Variants in COL6A3 observed in about 807,000 individuals in gnomAD.
COL6A3 encodes collagen type VI alpha 3 chain.
Under a neutral mutation model 274.1 loss-of-function variants are expected in COL6A3, and 137 were observed. That is an observed-to-expected ratio of 0.50 (90% CI 0.44 to 0.58). The LOEUF (loss-of-function observed/expected upper bound fraction) is 0.58, where lower values mean the gene tolerates loss of function less well. Among genes scored for constraint, COL6A3 ranks in the 20% least tolerant of loss-of-function variants. COL6A3 has a pLI of 0.00. For missense variants in COL6A3, 3,950 were observed against 4,124.9 expected (o/e 0.96, Z 1.16); for synonymous variants, 1,650 against 1,650.6 (o/e 1.00, Z 0.01).
intron 3 of COL6A3, among the ~76,000 whole-genome samples, chr2:237,392,909 G>A (rs560448125): frequency 5.0e-4 from 76 of 152,142 alleles, no homozygotes; most frequent in African/African-American, 1.6e-3. Context: ...CTCCAGCCCC[G>A]CGATTGGCCC....
In COL6A3 at chr2:237,335,916, G is replaced by C. The variant is rs10929226; in HGVS notation, c.8965+219C>G. Among the ~76,000 whole-genome samples, 20,677 of 152,228 alleles carry C rather than the reference G, an allele frequency of 0.14. 1,589 individuals are homozygous for C. The highest frequency in any genetic ancestry group is 0.21 in the African/African-American group (8,706 of 41,518). On this transcript the variant is annotated intron_variant, in intron 40 of 43. Transcript: ENST00000295550. ...CCCACTGACATTCCAGAGAGAATGAGAGCTTCCCATCCCTATCGCAAGACA... is the reference window on the plus strand; with the variant it reads ...CCCACTGACATTCCAGAGAGAATGACAGCTTCCCATCCCTATCGCAAGACA...
At position 237,341,084 on chromosome 2, in the gene COL6A3, G is replaced by A. The variant is rs114806654; in HGVS notation, c.7832C>T (p.Ala2611Val). The change falls in exon 38 of 44, where the codon GCG (alanine) becomes GTG (valine). Residue 2611 changes from alanine (A) to valine (V), a missense_variant. Around this residue, in one of 5 missense-constraint regions of COL6A3, gnomAD observed 1,284 missense variants for 1,349.7 expected, o/e 0.95. Transcript: ENST00000295550. ...GTCGATGTCCACATCGCTCCCTGCC[G>A]CTCTCCTGTCCCTGAAGGAAGGCCT... is the stretch of plus-strand genomic sequence containing the variant. ...SWRPSFRDRR[A>V]AGSDVDIDMA... 78 of 1,614,128 alleles carry A rather than the reference G, an allele frequency of 4.8e-5. No homozygotes were observed. The highest frequency in any genetic ancestry group is 1.1e-4 in the African/African-American group (8 of 75,018).
At position 237,334,859 on chromosome 2, in the gene COL6A3, T is replaced by C. The variant is rs537189097; in HGVS notation, c.8996A>G (p.Glu2999Gly). The change falls in exon 41 of 44, where the codon GAG (glutamate) becomes GGG (glycine). Residue 2999 changes from glutamate to glycine, a missense_variant. Around this residue, in one of 5 missense-constraint regions of COL6A3, gnomAD observed 1,284 missense variants for 1,349.7 expected, o/e 0.95. Transcript: ENST00000295550. Reference sequence around the variant, plus strand: ...GAGTTTGGCGCTGTTCTCTGTTATCTCAAACACCTGGACTTCACGGGACAT... The same window carrying C: ...GAGTTTGGCGCTGTTCTCTGTTATCCCAAACACCTGGACTTCACGGGACAT... ...VKMSREVQVF[E>G]ITENSAKLHW... The C allele has an allele frequency of 9.3e-6, 15 of 1,614,176 alleles. No homozygotes were observed. Among genetic ancestry groups the C allele is most frequent in the Admixed American group, 8.3e-5 (5 of 60,030 alleles).
At chr2:237,363,898 T>C (rs1248561708) in intron 13 of COL6A3, among the ~76,000 whole-genome samples, 1 of 152,250 alleles carries the variant, frequency 6.6e-6, no homozygotes, top group Non-Finnish European at 1.5e-5. Context: ...ATAATAGGCA[T>C]GGCTGTCACC....
chr2:237,370,066 T>G (rs2077650124), intron 9 of COL6A3, among the ~76,000 whole-genome samples: 2 of 151,874 alleles, frequency 1.3e-5, no homozygotes, highest in South Asian at 4.2e-4. Context: ...CTCACTGTGT[T>G]GCCCAGGCTG....
intron 1 of COL6A3, among the ~76,000 whole-genome samples, chr2:237,410,978 C>T (rs770795255): frequency 3.9e-5 from 6 of 152,142 alleles, no homozygotes; most frequent in Non-Finnish European, 7.4e-5. Flanking sequence ...GGAGGGTTTG[C>T]GGCTTTCATT....
chr2:237,389,846 T>C (rs1227772511), intron 3 of COL6A3, among the ~76,000 whole-genome samples: 1 of 152,270 alleles, frequency 6.6e-6, no homozygotes, highest in Non-Finnish European at 1.5e-5. Flanking sequence ...ATCTTGTGTT[T>C]TTAGTAATTG....
At position 237,344,793 on chromosome 2, in the gene COL6A3, T is replaced by C. The variant is rs764607867; in HGVS notation, c.7225A>G (p.Thr2409Ala). The stretch of plus-strand genomic sequence containing the variant: ...GTGTCTTGGTTGACTCCCTCAGAGG[T>C]GTCTAAAGCAAAGGCTAGTTCTGTT... The part of the protein sequence containing the change: ...FPTELAFALD[T>A]SEGVNQDTFG... The change falls in exon 36 of 44, where the codon ACC becomes GCC. Residue 2409 changes from threonine to alanine, a missense_variant. This residue lies in a region of COL6A3 where 1,284 missense variants were observed against 1,349.7 expected (regional missense o/e 0.95). Transcript: ENST00000295550. The surrounding 1 kb of genome is among the most constrained non-coding windows in gnomAD (Gnocchi z 4.8). 1 of 1,609,018 alleles carries C rather than the reference T, an allele frequency of 6.2e-7. No individual in the cohort carries two copies. The highest frequency in any genetic ancestry group is 8.5e-7 in the Non-Finnish European group (1 of 1,178,436).
intron 39 of COL6A3, among the ~76,000 whole-genome samples, chr2:237,337,695 A>G (rs1167760759): frequency 6.6e-6 from 1 of 152,210 alleles, no homozygotes; most frequent in Non-Finnish European, 1.5e-5. Context: ...AGGAGCACAC[A>G]TTGCTGACAC....
chr2:237,330,920 C>A (rs569157561), intron 42 of COL6A3, among the ~76,000 whole-genome samples: 1 of 152,308 alleles, frequency 6.6e-6, no homozygotes, highest in South Asian at 2.1e-4. Context: ...ACACAGGTCA[C>A]CAGGTTCCCA....
chr2:237,388,210 T>C, intron 3 of COL6A3, 26 bp from the exon 4 acceptor site: 1 of 1,613,354 alleles, frequency 6.2e-7, no homozygotes, highest in Non-Finnish European at 8.5e-7. Flanking sequence ...ATGCAAAAAA[T>C]GTGAAAGCAT....
intron 23 of COL6A3, chr2:237,355,613 A>G (rs998499455): frequency 3.3e-5 from 5 of 152,180 alleles, no homozygotes; most frequent in Admixed American, 3.3e-4. Context: ...GACTTTATGA[A>G]TGTCCCAGGC....
chr2:237,400,341 T>C (rs964619785), intron 1 of COL6A3, among the ~76,000 whole-genome samples: 4 of 152,158 alleles, frequency 2.6e-5, no homozygotes, highest in Non-Finnish European at 5.9e-5. Context: ...TTATATCCCC[T>C]GCATCAGGAA....
intron 1 of COL6A3, among the ~76,000 whole-genome samples, chr2:237,409,909 C>A (rs1396554350): frequency 6.6e-6 from 1 of 152,140 alleles, no homozygotes; most frequent in Non-Finnish European, 1.5e-5. Flanking sequence ...TATAAAATGT[C>A]TTATTTGCTG....
intron 4 of COL6A3, among the ~76,000 whole-genome samples, chr2:237,383,830 G>A (rs570233499): frequency 1.6e-4 from 24 of 151,938 alleles, no homozygotes; most frequent in African/African-American, 4.8e-4. Flanking sequence ...AAGTTCTCCC[G>A]ATGAGCCAGC....
intron 42 of COL6A3, 94 bp from the exon 43 acceptor site, chr2:237,325,818 G>A: frequency 1.8e-6 from 2 of 1,086,670 alleles, no homozygotes; most frequent in Non-Finnish European, 1.3e-6. Flanking sequence ...CCCTACTGTG[G>A]CAGAAGGAAA....
At position 237,413,633 on chromosome 2, in the gene COL6A3, G is replaced by T. The variant is rs193054169; in HGVS notation, c.-31+320C>A. On this transcript the variant is annotated intron_variant, in intron 1 of 43. Transcript: ENST00000295550. The surrounding 1 kb of genome is among the most constrained non-coding windows in gnomAD (Gnocchi z 4.0). ...GATCCCGAATGGGTTTTAGAAGGCGGCAGTAACTTAAATAAATCATGGGCC... is the reference window on the plus strand; with the variant it reads ...GATCCCGAATGGGTTTTAGAAGGCGTCAGTAACTTAAATAAATCATGGGCC... 6.6e-6 allele frequency among the ~76,000 whole-genome samples: 1 copy of T among 152,294 alleles called. No individual in the cohort carries two copies. The highest frequency in any genetic ancestry group is 6.5e-5 in the Admixed American group (1 of 15,298).
At chr2:237,410,903 T>C (rs2078840972) in intron 1 of COL6A3, among the ~76,000 whole-genome samples, 1 of 152,212 alleles carries the variant, frequency 6.6e-6, no homozygotes, top group African/African-American at 2.4e-5. Flanking sequence ...AAGATAACCA[T>C]TCTTGTCTAG....
At chr2:237,382,639 G>C (rs936981076) in intron 4 of COL6A3, among the ~76,000 whole-genome samples, 1 of 152,180 alleles carries the variant, frequency 6.6e-6, no homozygotes, top group African/African-American at 2.4e-5. Context: ...GAGATGGACT[G>C]TTTTGCAAAA....
Sources: gnomAD v4.1 joint callset for allele counts (sites outside exome capture counted in the v4.1 genomes callset) on GRCh38, gnomAD v4.1.1 for gene constraint, gnomAD v4.1.1 regional missense constraint, Gnocchi (gnomAD v3.1) non-coding constraint, MANE v1.5 for transcripts, NCBI Gene and HGNC (gene_info 2026-07-23, HGNC 2026-07-21) for gene names.